CD274: variants seen among roughly 807,000 people sequenced by gnomAD.
CD274 encodes CD274 molecule, also known as programmed cell death 1 ligand 1.
A neutral mutation model predicts 30.1 loss-of-function variants in CD274; 8 were observed. The ratio of observed to expected loss-of-function variants is 0.27; its 90% CI spans 0.16 to 0.48. The LOEUF (loss-of-function observed/expected upper bound fraction) is 0.48. Ranked by LOEUF, CD274 falls within the 20% of genes least tolerant of loss-of-function variation. CD274 has a pLI of 0.99. For synonymous variants in CD274, 152 were observed against 124.6 expected, an observed-to-expected ratio of 1.22 and a Z score of -1.46; for missense variants, 353 against 346.6, an observed-to-expected ratio of 1.02 and a Z score of -0.15.
chr9:5,468,782 A>G lies in CD274; in HGVS notation c.*920A>G, dbSNP rs1819539274. ...AAGTAACTTGCCCAAACCAGTAAATAGCAGACCTCAGACTGCCACCCACTG... is the reference window on the plus strand; with the variant it reads ...AAGTAACTTGCCCAAACCAGTAAATGGCAGACCTCAGACTGCCACCCACTG... On this transcript the variant is annotated 3_prime_UTR_variant, in exon 7 of 7. Transcript: ENST00000381577. 4.3e-6 allele frequency: 1 copy of G among 233,136 alleles called. No homozygotes were observed. The highest frequency in any genetic ancestry group is 8.5e-6 in the Non-Finnish European group (1 of 117,916). The allele number at this position is 233,136 out of a possible 1,614,324, so 14.4% of individuals were successfully genotyped here. A position where few individuals can be genotyped will look rare whatever the true frequency, so the allele number is the denominator to read the frequency against.
intron 1 of CD274, among the ~76,000 whole-genome samples, chr9:5,455,732 T>G (rs2282055): frequency 0.24 from 36,558 of 152,064 alleles, 5,320 homozygotes; most frequent in East Asian, 0.6. Flanking sequence ...GCTCTGAAAT[T>G]TTGTACAGGG....
Position 5,462,896 on chromosome 9 carries a change from C to A in CD274, c.457C>A (p.Leu153Met), listed in dbSNP as rs769060913. 3.1e-6 allele frequency: 5 copies of A among 1,614,018 alleles called. No individual in the cohort carries two copies. In the African/African-American group the frequency reaches 5.3e-5, roughly 17 times the overall value. ...VVDPVTSEHELTCQAEGYPKA... is the reference protein window; with the variant it reads ...VVDPVTSEHEMTCQAEGYPKA... ...GGATCCAGTCACCTCTGAACATGAA[C>A]TGACATGTCAGGCTGAGGGCTACCC... is the stretch of plus-strand genomic sequence containing the variant. The change falls in exon 4 of 7, where the codon CTG becomes ATG. Residue 153 changes from leucine to methionine, a missense_variant. Coordinates refer to ENST00000381577, the MANE Select transcript of CD274 (RefSeq NM_014143.4).
Position 5,469,755 on chromosome 9 carries a change from T to C in CD274, c.*1893T>C, listed in dbSNP as rs1351717070. ...TTTGCTCTAGGACAGAGTTTGGATT[T>C]GTTTATGTTTGCTCAAAAGGAGACC... On this transcript the variant is annotated 3_prime_UTR_variant, in exon 7 of 7. Transcript: ENST00000381577. 1.3e-5 allele frequency: 3 copies of C among 232,716 alleles called. No individual in the cohort carries two copies. The highest frequency in any genetic ancestry group is 2.5e-5 in the Non-Finnish European group (3 of 117,772). 14.4% of individuals were successfully genotyped at this position (232,716 alleles called of 1,614,324 possible).
chr9:5,460,301 C>T (rs572599651), intron 3 of CD274, among the ~76,000 whole-genome samples: 75 of 152,278 alleles, frequency 4.9e-4, no homozygotes, highest in South Asian at 2.5e-3. Context: ...AGAGGAGCAG[C>T]TCTGCTACTG....
At chr9:5,462,284 A>T (rs979416317) in intron 3 of CD274, among the ~76,000 whole-genome samples, 1 of 152,212 alleles carries the variant, frequency 6.6e-6, no homozygotes, top group Non-Finnish European at 1.5e-5. Flanking sequence ...GAAGTCTAAG[A>T]AAAGAAAGCA....
chr9:5,465,438 A>T (rs2131229357), intron 4 of CD274, 61 bp from the exon 5 acceptor site: 1 of 940,050 alleles, frequency 1.1e-6, no homozygotes, highest in East Asian at 2.4e-5. Context: ...CATTCTCCTG[A>T]CCCCTTCCCA....
At chr9:5,450,972 A>G (rs1819192603) in intron 1 of CD274, among the ~76,000 whole-genome samples, 1 of 152,176 alleles carries the variant, frequency 6.6e-6, no homozygotes, top group South Asian at 2.1e-4. Context: ...TGCTAGTAAC[A>G]TGACTTGTGT....
intron 1 of CD274, among the ~76,000 whole-genome samples, chr9:5,455,388 G>A (rs1819282071): frequency 6.6e-6 from 1 of 152,226 alleles, no homozygotes; most frequent in South Asian, 2.1e-4. Flanking sequence ...TTTCAAGCAG[G>A]ATGACTAAAT....
At chr9:5,465,448 A>T (rs1318547859) in intron 4 of CD274, 51 bp from the exon 5 acceptor site, 1 of 1,094,094 alleles carries the variant, frequency 9.1e-7, no homozygotes, top group South Asian at 1.3e-5. Context: ...ACCCCTTCCC[A>T]TCAAAATTTT....
chr9:5,459,716 A>G (rs1819370983), intron 3 of CD274, among the ~76,000 whole-genome samples: 1 of 152,196 alleles, frequency 6.6e-6, no homozygotes, highest in Non-Finnish European at 1.5e-5. Context: ...CTAACTTTCA[A>G]TTAAAAGTGT....
intron 1 of CD274, 114 bp downstream of exon 1, chr9:5,450,710 A>C (rs1234917698): frequency 6.6e-6 from 1 of 152,288 alleles, no homozygotes; most frequent in Non-Finnish European, 1.5e-5. Context: ...AGAGAGGAGA[A>C]GGGAAAGGGA....
Position 5,468,015 on chromosome 9 carries a change from C to G in CD274, c.*153C>G, listed in dbSNP as rs934261006. On this transcript the variant is annotated 3_prime_UTR_variant, in exon 7 of 7. Transcript: ENST00000381577. Reference sequence around the variant, plus strand: ...CCCAAGCACTGAAAATGGAACCTGGCGAAAGCAGAGGAGGAGAATGAAGAA... The same window carrying G: ...CCCAAGCACTGAAAATGGAACCTGGGGAAAGCAGAGGAGGAGAATGAAGAA... 3.0e-6 allele frequency: 2 copies of G among 673,106 alleles called. No homozygotes were observed. Among genetic ancestry groups the G allele is most frequent in the Non-Finnish European group, 5.4e-6 (2 of 372,344 alleles). The allele number at this position is 673,106 out of a possible 1,614,324, so 41.7% of individuals were successfully genotyped here.
At chr9:5,451,681 G>C (rs1819206253) in intron 1 of CD274, among the ~76,000 whole-genome samples, 1 of 152,210 alleles carries the variant, frequency 6.6e-6, no homozygotes. Flanking sequence ...GGAAGTCACA[G>C]AAATACTGTG....
At chr9:5,451,260 T>C (rs1314835369) in intron 1 of CD274, among the ~76,000 whole-genome samples, 1 of 152,220 alleles carries the variant, frequency 6.6e-6, no homozygotes, top group Non-Finnish European at 1.5e-5. Flanking sequence ...AAATTTACTG[T>C]GGATGCTTTT....
chr9:5,458,683 T>G (rs967854498), intron 3 of CD274, among the ~76,000 whole-genome samples: 1 of 152,248 alleles, frequency 6.6e-6, no homozygotes, highest in Non-Finnish European at 1.5e-5. Context: ...AGTTTTATGT[T>G]GTATTTCTGG....
intron 1 of CD274, among the ~76,000 whole-genome samples, chr9:5,454,015 C>T (rs566144957): frequency 6.6e-6 from 1 of 152,138 alleles, no homozygotes; most frequent in East Asian, 1.9e-4. Context: ...TCTGTAATTC[C>T]ATTATATTAC....
chr9:5,461,918 C>G (rs1431261080), intron 3 of CD274, among the ~76,000 whole-genome samples: 2 of 151,834 alleles, frequency 1.3e-5, no homozygotes, highest in East Asian at 1.9e-4. Flanking sequence ...AGATAGCATC[C>G]CAGAACAGAA....
chr9:5,456,738 G>A (rs988589559), intron 2 of CD274, among the ~76,000 whole-genome samples: 8 of 152,242 alleles, frequency 5.3e-5, no homozygotes, highest in African/African-American at 1.9e-4. Flanking sequence ...TAGGTGTCCT[G>A]TCAAAGGACA....
At chr9:5,452,280 G>C (rs1563801273) in intron 1 of CD274, among the ~76,000 whole-genome samples, 1 of 152,154 alleles carries the variant, frequency 6.6e-6, no homozygotes, top group Admixed American at 6.5e-5. Flanking sequence ...GCCTCCCAAA[G>C]TGCTGGGATT....
Sources: gnomAD v4.1 joint callset for allele counts (sites outside exome capture counted in the v4.1 genomes callset) on GRCh38, gnomAD v4.1.1 for gene constraint, MANE v1.5 for transcripts, NCBI Gene and HGNC (gene_info 2026-07-23, HGNC 2026-07-21) for gene names.